The following GPATCH2 variants were observed in gnomAD, a reference collection of about 807,000 sequenced individuals.
GPATCH2 encodes G-patch domain containing 2.
GPATCH2 carries 51 observed loss-of-function variants against 58.0 expected under a neutral mutation model. That is an observed-to-expected ratio of 0.88 (90% CI 0.70 to 1.11). The LOEUF (loss-of-function observed/expected upper bound fraction) is 1.11. GPATCH2 is among the 50% of genes most tolerant of loss of function. The pLI is 0.00. For missense variants in GPATCH2, 625 were observed against 652.2 expected, an observed-to-expected ratio of 0.96 and a Z score of 0.45; for synonymous variants, 222 against 218.5, an observed-to-expected ratio of 1.02 and a Z score of -0.14.
chr1:217,540,497 G>C lies in GPATCH2; in HGVS notation c.1099-25608C>G, dbSNP rs1239702878. ...CAGTAATAAACAATAGTCTTCTTGTGTTTTCAAAAATATAAAATCTTTTTT... is the reference window on the plus strand; with the variant it reads ...CAGTAATAAACAATAGTCTTCTTGTCTTTTCAAAAATATAAAATCTTTTTT... On this transcript the variant is annotated intron_variant, in intron 5 of 9. Coordinates refer to ENST00000366935, the MANE Select transcript of GPATCH2 (RefSeq NM_018040.5). Among the ~76,000 whole-genome samples, 3 of 152,136 alleles carry C rather than the reference G, an allele frequency of 2.0e-5. No homozygotes were observed. The East Asian group carries it at 5.8e-4, about 29-fold the overall frequency.
At chr1:217,556,150 C>A (rs1665605802) in intron 5 of GPATCH2, among the ~76,000 whole-genome samples, 1 of 152,054 alleles carries the variant, frequency 6.6e-6, no homozygotes, top group African/African-American at 2.4e-5. Flanking sequence ...ATAAGAAAAT[C>A]CTAACATCTA....
intron 8 of GPATCH2, among the ~76,000 whole-genome samples, chr1:217,465,523 T>A (rs1004312338): frequency 6.6e-6 from 1 of 151,992 alleles, no homozygotes; most frequent in Admixed American, 6.6e-5. Context: ...CAGGGGGAGG[T>A]AACTGAATCA....
chr1:217,582,663 T>C (rs1667128625), intron 5 of GPATCH2, among the ~76,000 whole-genome samples: 1 of 152,154 alleles, frequency 6.6e-6, no homozygotes, highest in Admixed American at 6.5e-5. Flanking sequence ...AGTATTGTGG[T>C]GCTAAATATA....
chr1:217,428,602 T>G lies in GPATCH2; in HGVS notation c.*2543A>C, dbSNP rs1007317952. On this transcript the variant is annotated 3_prime_UTR_variant, in exon 10 of 10. Transcript: ENST00000366935. ...GGGAAGCTTGGGATGTTATCACTTC[T>G]CTGCTTTGAGTGCTGATTCACATAT... 1.3e-5 allele frequency: 2 copies of G among 152,248 alleles called. No individual in the cohort carries two copies. The highest frequency in any genetic ancestry group is 4.8e-5 in the African/African-American group (2 of 41,460). The allele number at this position is 152,248 out of a possible 1,614,324, so 9.4% of individuals were successfully genotyped here.
intron 5 of GPATCH2, among the ~76,000 whole-genome samples, chr1:217,583,132 A>G (rs1253888909): frequency 6.6e-6 from 1 of 152,236 alleles, no homozygotes; most frequent in African/African-American, 2.4e-5. Flanking sequence ...GAAGATAAAA[A>G]GAGAATTAAA....
At chr1:217,614,940 A>C (rs1429107776) in intron 2 of GPATCH2, among the ~76,000 whole-genome samples, 2 of 152,038 alleles carry the variant, frequency 1.3e-5, no homozygotes, top group Non-Finnish European at 2.9e-5. Context: ...CTTATATGAC[A>C]GTCTAGTTTA....
chr1:217,444,192 G>T (rs1224620652), intron 9 of GPATCH2, among the ~76,000 whole-genome samples: 1 of 152,218 alleles, frequency 6.6e-6, no homozygotes. Context: ...ATCTTCCACA[G>T]TGCCTGTGGG....
intron 5 of GPATCH2, among the ~76,000 whole-genome samples, chr1:217,530,117 A>G (rs547534236): frequency 6.6e-6 from 1 of 152,360 alleles, no homozygotes; most frequent in South Asian, 2.1e-4. Flanking sequence ...TTGTTATCCA[A>G]TGCAGTGATC....
intron 6 of GPATCH2, among the ~76,000 whole-genome samples, chr1:217,503,814 A>G (rs1662418939): frequency 6.6e-6 from 1 of 152,144 alleles, no homozygotes; most frequent in African/African-American, 2.4e-5. Context: ...AAGTGTGCTA[A>G]GTGCCAGCAT....
At chr1:217,498,191 G>A (rs912430294) in intron 7 of GPATCH2, 165 bp downstream of exon 7, 20 of 741,962 alleles carry the variant, frequency 2.7e-5, no homozygotes, top group African/African-American at 1.4e-4. Flanking sequence ...TAAGGATCAC[G>A]CATTTATTTG....
At chr1:217,544,623 C>T (rs1464345263) in intron 5 of GPATCH2, among the ~76,000 whole-genome samples, 1 of 152,180 alleles carries the variant, frequency 6.6e-6, no homozygotes, top group Non-Finnish European at 1.5e-5. Context: ...AAAAGCCACA[C>T]AACTGAGATG....
At chr1:217,622,653 C>A (rs573054308) in intron 1 of GPATCH2, among the ~76,000 whole-genome samples, 1 of 152,198 alleles carries the variant, frequency 6.6e-6, no homozygotes, top group African/African-American at 2.4e-5. Flanking sequence ...AAGTGATTCT[C>A]CTGCCTTAAC....
At chr1:217,433,361 C>CATATATATATATAT (rs1183174400) in intron 9 of GPATCH2, among the ~76,000 whole-genome samples, 6 of 118,576 alleles carry the variant, frequency 5.1e-5, no homozygotes, top group African/African-American at 1.0e-4. Flanking sequence ...TTAAGCTGTT[C>CATATATATATATAT]ATATATATAT....
Position 217,427,854 on chromosome 1 carries a change from T to C in GPATCH2, c.*3291A>G, listed in dbSNP as rs559103375. ...ATGCAGTATTTTGTAATTATGTCTG[T>C]ATACTGCACACAGGCATTATAAATA... On this transcript the variant is annotated 3_prime_UTR_variant, in exon 10 of 10. Coordinates refer to ENST00000366935, the MANE Select transcript of GPATCH2 (RefSeq NM_018040.5). 1 of 152,304 alleles carries C rather than the reference T, an allele frequency of 6.6e-6. No homozygotes were observed. Among genetic ancestry groups the C allele is most frequent in the East Asian group, 1.9e-4 (1 of 5,186 alleles). 9.4% of individuals were successfully genotyped at this position (152,304 alleles called of 1,614,324 possible). A position where few individuals can be genotyped will look rare whatever the true frequency, so the allele number is the denominator to read the frequency against.
intron 5 of GPATCH2, among the ~76,000 whole-genome samples, chr1:217,564,533 C>T (rs1200576222): frequency 2.0e-5 from 3 of 152,152 alleles, no homozygotes; most frequent in East Asian, 1.9e-4. Flanking sequence ...ATTACATCAC[C>T]GAGTCAAGGC....
At chr1:217,499,503 C>G (rs897001990) in intron 6 of GPATCH2, among the ~76,000 whole-genome samples, 1 of 152,172 alleles carries the variant, frequency 6.6e-6, no homozygotes, top group Non-Finnish European at 1.5e-5. Flanking sequence ...AAACCAGGAA[C>G]AAACAGCCTC....
At chr1:217,607,309 T>A (rs545333751) in intron 5 of GPATCH2, among the ~76,000 whole-genome samples, 1 of 152,344 alleles carries the variant, frequency 6.6e-6, no homozygotes, top group South Asian at 2.1e-4. Context: ...CCTACTCGTT[T>A]AAACTATCAT....
chr1:217,520,902 T>C (rs1275957689), intron 5 of GPATCH2, among the ~76,000 whole-genome samples: 3 of 152,196 alleles, frequency 2.0e-5, no homozygotes, highest in East Asian at 3.8e-4. Flanking sequence ...TCACAACTCA[T>C]AGCTTAATGA....
chr1:217,475,361 C>T (rs1660922408), intron 8 of GPATCH2, among the ~76,000 whole-genome samples: 1 of 152,054 alleles, frequency 6.6e-6, no homozygotes, highest in Non-Finnish European at 1.5e-5. Context: ...ATTGCTTGAG[C>T]CTGGGAGGCA....
Sources: gnomAD v4.1 joint callset for allele counts (sites outside exome capture counted in the v4.1 genomes callset) on GRCh38, gnomAD v4.1.1 for gene constraint, MANE v1.5 for transcripts, NCBI Gene and HGNC (gene_info 2026-07-23, HGNC 2026-07-21) for gene names.